ACAT1: variants seen among roughly 807,000 people sequenced by gnomAD.
ACAT1 encodes the protein acetyl-CoA acetyltransferase, mitochondrial.
Under a neutral mutation model 47.3 loss-of-function variants are expected in ACAT1, and 28 were observed. That is an observed-to-expected ratio of 0.59 (90% confidence interval 0.44 to 0.81). ACAT1 has a LOEUF of 0.81. ACAT1 is among the 30% of genes least tolerant of loss of function. The pLI, the probability that ACAT1 is intolerant of heterozygous loss-of-function variation, is 0.00. For missense variants in ACAT1, 469 were observed against 524.3 expected (o/e 0.89, Z 1.03); for synonymous variants, 181 against 173.6 (o/e 1.04, Z -0.34).
chr11:108,137,834 C>T (rs1205760324), intron 5 of ACAT1, among the ~76,000 whole-genome samples: 2 of 152,008 alleles, frequency 1.3e-5, no homozygotes, highest in African/African-American at 4.8e-5. Context: ...GTAGTCCCAG[C>T]TACTTGGGAG....
At chr11:108,144,356 C>T (rs924960541) in intron 10 of ACAT1, 10 of 372,428 alleles carry the variant, frequency 2.7e-5, no homozygotes, top group African/African-American at 2.1e-4. Flanking sequence ...GGAATGCTGG[C>T]TGATGGTTCC....
intron 1 of ACAT1, among the ~76,000 whole-genome samples, chr11:108,123,164 G>A (rs1396828113): frequency 6.6e-6 from 1 of 152,122 alleles, no homozygotes; most frequent in East Asian, 1.9e-4. Context: ...GAACCCGGGA[G>A]GAGGGGAAGG....
intron 2 of ACAT1, among the ~76,000 whole-genome samples, chr11:108,133,296 A>G (rs369089287): frequency 6.6e-5 from 10 of 152,004 alleles, no homozygotes; most frequent in African/African-American, 2.4e-4. Context: ...TCAGTAAGGG[A>G]CCCTCTTAGA....
At chr11:108,135,507 T>G (rs1052715917) in intron 5 of ACAT1, among the ~76,000 whole-genome samples, 22 of 151,110 alleles carry the variant, frequency 1.5e-4, no homozygotes, top group Admixed American at 3.3e-4. Flanking sequence ...GTAGGCAACA[T>G]AGCAAGCGAG....
rs1229501955 is a variant in ACAT1, at chr11:108,127,722, A to G, written c.73-4185A>G. On this transcript the variant is annotated intron_variant, in intron 1 of 11. Transcript: ENST00000265838. The stretch of plus-strand genomic sequence containing the variant: ...AAAGGAGACTGAGGTAAATATGACT[A>G]ATGAGGTAGGAAGGAGTCCACGTTT... 4.6e-5 allele frequency among the ~76,000 whole-genome samples: 7 copies of G among 152,336 alleles called. No homozygotes were observed. The Middle Eastern group carries it at 0.01, about 222-fold the overall frequency.
intron 3 of ACAT1, 28 bp from the exon 4 acceptor site, chr11:108,134,193 T>G: frequency 6.4e-7 from 1 of 1,571,852 alleles, no homozygotes; most frequent in Non-Finnish European, 8.7e-7. Context: ...ATTAAATGCC[T>G]TTTTGACTTT....
upstream of ACAT1, among the ~76,000 whole-genome samples, chr11:108,117,309 C>CTTA (rs1555028094): frequency 7.3e-6 from 1 of 137,830 alleles, no homozygotes; most frequent in Non-Finnish European, 1.6e-5. Context: ...CTGTCTCTCT[C>CTTA]TTTTTTTTTT....
Position 108,138,766 on chromosome 11 carries a change from C to G in ACAT1, c.436-132C>G, listed in dbSNP as rs958121023. The stretch of plus-strand genomic sequence containing the variant: ...GGGTGAAGTGGTAAAGAGGGTACTT[C>G]CTGTATTCACTGTGTAACAAATGTT... On this transcript the variant is annotated intron_variant, in intron 5 of 11. Transcript: ENST00000265838. 3 of 1,008,290 alleles carry G rather than the reference C, an allele frequency of 3.0e-6. No homozygotes were observed. The African/African-American group carries it at 4.8e-5, about 16-fold the overall frequency. 62.5% of individuals were successfully genotyped at this position (1,008,290 alleles called of 1,614,324 possible). A position where few individuals can be genotyped will look rare whatever the true frequency, so the allele number is the denominator to read the frequency against.
At chr11:108,122,058 A>T in intron 1 of ACAT1, 1 of 320,036 alleles carries the variant, frequency 3.1e-6, no homozygotes, top group Non-Finnish European at 5.8e-6. Context: ...TCTTTAAAAC[A>T]TATTTGTGTG....
intron 7 of ACAT1, 64 bp downstream of exon 7, chr11:108,140,279 G>A (rs1257194605): frequency 8.2e-6 from 13 of 1,589,604 alleles, no homozygotes; most frequent in African/African-American, 5.4e-5. Context: ...TTATGCTTAA[G>A]TTTTAAATTA....
chr11:108,136,780 T>C (rs2077477004), intron 5 of ACAT1: 1 of 152,238 alleles, frequency 6.6e-6, no homozygotes, highest in Non-Finnish European at 1.5e-5. Flanking sequence ...AAAACTTAGA[T>C]GAGAACTGAT....
At chr11:108,142,987 C>G in intron 9 of ACAT1, 1 of 184,498 alleles carries the variant, frequency 5.4e-6, no homozygotes, top group Admixed American at 5.4e-5. Context: ...GATAGAAGCT[C>G]CTTTAATATT....
intron 1 of ACAT1, among the ~76,000 whole-genome samples, chr11:108,129,619 A>G (rs1205420274): frequency 6.6e-6 from 1 of 152,098 alleles, no homozygotes; most frequent in Non-Finnish European, 1.5e-5. Context: ...CGCCCGCCTC[A>G]GCCTCCTAAA....
intron 1 of ACAT1, among the ~76,000 whole-genome samples, chr11:108,123,663 A>G (rs1565282342): frequency 6.6e-6 from 1 of 151,886 alleles, no homozygotes; most frequent in Non-Finnish European, 1.5e-5. Flanking sequence ...AAATACAGTG[A>G]TTTCCTTTTT....
At chr11:108,143,803 T>G in intron 9 of ACAT1, 180 bp from the exon 10 acceptor site, 2 of 140,212 alleles carry the variant, frequency 1.4e-5, no homozygotes, top group Non-Finnish European at 1.4e-5. Context: ...TGAAAATCAG[T>G]GTCTTAGATT....
At chr11:108,135,809 T>C (rs2077458002) in intron 5 of ACAT1, among the ~76,000 whole-genome samples, 1 of 151,610 alleles carries the variant, frequency 6.6e-6, no homozygotes, top group South Asian at 2.1e-4. Context: ...ACCTGGGAGA[T>C]AGAGCAAGAC....
intron 1 of ACAT1, among the ~76,000 whole-genome samples, chr11:108,130,373 T>G (rs528027889): frequency 1.4e-4 from 21 of 152,028 alleles, no homozygotes; most frequent in African/African-American, 4.4e-4. Flanking sequence ...CTTTTTTTTT[T>G]GTAAGTTTTT....
At chr11:108,141,732 A>C in intron 8 of ACAT1, 32 bp downstream of exon 8, 3 of 1,505,464 alleles carry the variant, frequency 2.0e-6, no homozygotes, top group Admixed American at 1.7e-5. Flanking sequence ...ATAAGAAAAA[A>C]TTGAGCCAGT....
At chr11:108,125,592 G>A (rs1033219939) in intron 1 of ACAT1, among the ~76,000 whole-genome samples, 3 of 152,190 alleles carry the variant, frequency 2.0e-5, no homozygotes, top group East Asian at 3.9e-4. Context: ...TTTAAATAGA[G>A]TAGTTAGGGT....
Sources: gnomAD v4.1 joint callset for allele counts (sites outside exome capture counted in the v4.1 genomes callset) on GRCh38, gnomAD v4.1.1 for gene constraint, MANE v1.5 for transcripts, NCBI Gene and HGNC (gene_info 2026-07-23, HGNC 2026-07-21) for gene names.